FGFR2: variants seen among roughly 807,000 people sequenced by gnomAD.
FGFR2 encodes the protein fibroblast growth factor receptor 2.
A neutral mutation model predicts 95.9 loss-of-function variants in FGFR2; 19 were observed. The ratio of observed to expected loss-of-function variants is 0.20; its 90% CI spans 0.14 to 0.29. FGFR2 has a LOEUF of 0.29. Ranked by LOEUF, FGFR2 falls within the 10% of genes least tolerant of loss-of-function variation. The pLI, the probability that FGFR2 is intolerant of heterozygous loss-of-function variation, is 1.00. For missense variants in FGFR2, 707 were observed against 1,056.9 expected (o/e 0.67, Z 4.59); for synonymous variants, 392 against 393.3 (o/e 1.00, Z 0.04).
At position 121,518,301 on chromosome 10, in the gene FGFR2, A is replaced by G. The variant is rs182228379; in HGVS notation, c.940-838T>C. ...ATATTTCCCTAAAAACTTGAAGTAG[A>G]AGGAGACAAACTCTGCTGATACTCA... On this transcript the variant is annotated intron_variant, in intron 7 of 17. Coordinates refer to ENST00000358487, the MANE Select transcript of FGFR2 (RefSeq NM_000141.5). The surrounding 1 kb of genome is among the most constrained non-coding windows in gnomAD (Gnocchi z 4.0). Among the ~76,000 whole-genome samples, 443 of 152,326 alleles carry G rather than the reference A, an allele frequency of 2.9e-3. No individual in the cohort carries two copies. The highest frequency in any genetic ancestry group is 6.8e-3 in the Middle Eastern group (2 of 294).
chr10:121,514,991 T>C, intron 9 of FGFR2, 126 bp downstream of exon 9: 1 of 899,386 alleles, frequency 1.1e-6, no homozygotes, highest in Non-Finnish European at 1.8e-6. Flanking sequence ...CCGCCAAGCA[T>C]CACACCAGAA....
chr10:121,491,055 G>A (rs1251956594), intron 13 of FGFR2, among the ~76,000 whole-genome samples: 1 of 152,188 alleles, frequency 6.6e-6, no homozygotes, highest in South Asian at 2.1e-4. Flanking sequence ...TGCTCCTGCC[G>A]ACACGCGCTC....
At chr10:121,524,146 A>ACC (rs1554933622) in intron 6 of FGFR2, among the ~76,000 whole-genome samples, 2,289 of 136,668 alleles carry the variant, frequency 0.017, 34 homozygotes, top group Middle Eastern at 0.026. Flanking sequence ...ACACACACAC[A>ACC]CCCCAAGTTT....
rs574612332 is a variant in FGFR2, at chr10:121,482,104, T to C, written c.2301+1594A>G. On this transcript the variant is annotated intron_variant, in intron 17 of 17. Transcript: ENST00000358487. ...CGCCTGCCTCGGCCTCCCAAAGTGC[T>C]GGGATTACAGGCATGAGCCACTGCG... 5 of 1,471,822 alleles carry C rather than the reference T, an allele frequency of 3.4e-6. No homozygotes were observed. The South Asian group carries it at 4.6e-5, about 13-fold the overall frequency. The allele number at this position is 1,471,822 out of a possible 1,614,324, so 91.2% of individuals were successfully genotyped here. A position where few individuals can be genotyped will look rare whatever the true frequency, so the allele number is the denominator to read the frequency against.
In FGFR2 at chr10:121,500,820, G is replaced by T. The variant is rs781352732; in HGVS notation, c.1561+6C>A. 6.2e-7 allele frequency: 1 copy of T among 1,612,554 alleles called. No homozygotes were observed. The highest frequency in any genetic ancestry group is 8.5e-7 in the Non-Finnish European group (1 of 1,179,350). Reference sequence around the variant, plus strand: ...CCCTCCCCGAGCCTCCCGCCTCCCCGCTCACCTTTCAACATCTTCACGGCC... The same window carrying T: ...CCCTCCCCGAGCCTCCCGCCTCCCCTCTCACCTTTCAACATCTTCACGGCC... On this transcript the variant is annotated splice_donor_region_variant and intron_variant, in intron 11 of 17. Transcript: ENST00000358487.
chr10:121,490,901 AATCCCT>A (rs1171369826), intron 13 of FGFR2, among the ~76,000 whole-genome samples: 4 of 152,202 alleles, frequency 2.6e-5, no homozygotes, highest in Admixed American at 1.3e-4. Context: ...GCAAGCTTGC[AATCCCT>A]GGCCAGGTTG....
chr10:121,570,228 G>C (rs1029744133), intron 2 of FGFR2, among the ~76,000 whole-genome samples: 1 of 152,250 alleles, frequency 6.6e-6, no homozygotes, highest in Non-Finnish European at 1.5e-5. Context: ...ACAGGGCTTA[G>C]CTTCTCTTCT....
intron 4 of FGFR2, among the ~76,000 whole-genome samples, chr10:121,555,517 G>A (rs1343571414): frequency 6.6e-6 from 1 of 152,116 alleles, no homozygotes; most frequent in Non-Finnish European, 1.5e-5. Context: ...AACTTCCAAT[G>A]GCATTCAAAA....
chr10:121,495,039 G>A (rs1476417962), intron 13 of FGFR2, among the ~76,000 whole-genome samples: 2 of 152,090 alleles, frequency 1.3e-5, no homozygotes, highest in African/African-American at 4.8e-5. Context: ...CTCCCCAGCA[G>A]TTTTTGTCTT....
rs559283142 is a variant in FGFR2, at chr10:121,581,164, C to T, written c.109+12545G>A. Among the ~76,000 whole-genome samples the T allele has an allele frequency of 9.8e-5, 15 of 152,324 alleles. No homozygotes were observed. The South Asian group carries it at 1.0e-3, about 11-fold the overall frequency. On this transcript the variant is annotated intron_variant, in intron 2 of 17. Transcript: ENST00000358487. ...TGGAGGCCGCCGGGATGCCCTTGAC[C>T]GGCCTCCTCACTCGCCACACCTTCA...
intron 4 of FGFR2, among the ~76,000 whole-genome samples, chr10:121,563,405 C>G (rs1268045437): frequency 6.6e-6 from 1 of 151,938 alleles, no homozygotes; most frequent in Admixed American, 6.6e-5. Context: ...CATAAATTAG[C>G]CGGGTGTGGT....
intron 9 of FGFR2, among the ~76,000 whole-genome samples, chr10:121,513,823 C>G (rs999690613): frequency 2.6e-5 from 4 of 152,130 alleles, no homozygotes; most frequent in Admixed American, 1.3e-4. Flanking sequence ...AAAGAAAGAC[C>G]TGCTTGAAAC....
chr10:121,499,044 T>C (rs970150034), intron 11 of FGFR2, among the ~76,000 whole-genome samples: 4 of 152,166 alleles, frequency 2.6e-5, no homozygotes, highest in Non-Finnish European at 1.5e-5. Context: ...TCGAGGCCCT[T>C]AGAGCGTTCC....
rs1403328579 is a variant in FGFR2 at position 121,524,131 on chromosome 10, CACACACACACACA to C, written c.749-3975_749-3963del. Among the ~76,000 whole-genome samples, 3 of 149,170 alleles carry C rather than the reference CACACACACACACA, an allele frequency of 2.0e-5. No individual in the cohort carries two copies. In the South Asian group the frequency reaches 6.5e-4, roughly 32 times the overall value. On this transcript the variant is annotated intron_variant, in intron 6 of 17. Coordinates refer to ENST00000358487, the MANE Select transcript of FGFR2 (RefSeq NM_000141.5). ...ACACACACACACACACACACACACA[CACACACACACACA>C]CACCCCAAGTTTGCAATGGTTTAAT...
chr10:121,528,386 AAAG>A (rs140319963), intron 6 of FGFR2, among the ~76,000 whole-genome samples: 2,297 of 152,306 alleles, frequency 0.015, 64 homozygotes, highest in African/African-American at 0.052. Context: ...TACATCCGTG[AAAG>A]AAGAGCATAT....
chr10:121,515,948 C>A (rs1849655515), intron 8 of FGFR2, among the ~76,000 whole-genome samples: 1 of 151,346 alleles, frequency 6.6e-6, no homozygotes, highest in African/African-American at 2.4e-5. Context: ...CCATTAGATC[C>A]ATAATACATA....
intron 5 of FGFR2, among the ~76,000 whole-genome samples, chr10:121,549,146 C>A (rs1855003479): frequency 1.3e-5 from 2 of 152,180 alleles, no homozygotes; most frequent in Admixed American, 6.5e-5. Flanking sequence ...AGGCTGTCCC[C>A]ATTTTCCTCT....
chr10:121,510,680 G>A (rs955740418), intron 9 of FGFR2, among the ~76,000 whole-genome samples: 6 of 152,012 alleles, frequency 3.9e-5, no homozygotes, highest in African/African-American at 1.2e-4. Context: ...CACCCGCTCC[G>A]CTCCTCCCCC....
intron 2 of FGFR2, among the ~76,000 whole-genome samples, chr10:121,581,706 T>C (rs1265017356): frequency 6.7e-6 from 1 of 150,056 alleles, no homozygotes; most frequent in Non-Finnish European, 1.5e-5. Context: ...GAGCTGTGAT[T>C]GCACCACTGC....
Sources: allele counts gnomAD v4.1 joint callset (sites outside exome capture counted in the v4.1 genomes callset), GRCh38; gene constraint gnomAD v4.1.1; non-coding constraint Gnocchi (gnomAD v3.1); transcripts MANE v1.5; gene names NCBI Gene and HGNC (gene_info 2026-07-23, HGNC 2026-07-21).